NBEA: variants seen among roughly 807,000 people sequenced by gnomAD.
The protein encoded by NBEA is neurobeachin, also known as lysosomal-trafficking regulator 2.
In NBEA, 44 loss-of-function variants were observed where a neutral mutation model predicts 343.4. That is an observed-to-expected ratio of 0.13 (90% CI 0.10 to 0.16). NBEA has a LOEUF of 0.16. Among genes scored for constraint, NBEA ranks in the 10% least tolerant of loss-of-function variants. The pLI is 1.00. For missense variants in NBEA, 2,555 were observed against 3,631.3 expected (o/e 0.70, Z 7.62); for synonymous variants, 1,175 against 1,238.7 (o/e 0.95, Z 1.08).
chr13:35,193,807 CA>C (rs1301854540), intron 30 of NBEA, among the ~76,000 whole-genome samples: 2 of 151,868 alleles, frequency 1.3e-5, no homozygotes, highest in Non-Finnish European at 2.9e-5. Context: ...TTCAGTCTAT[CA>C]TCTTTGACCA....
At chr13:35,195,193 A>G (rs946477944) in intron 30 of NBEA, among the ~76,000 whole-genome samples, 1 of 152,120 alleles carries the variant, frequency 6.6e-6, no homozygotes. Flanking sequence ...TTTCTCTTCT[A>G]TGATTGGCAG....
intron 17 of NBEA, among the ~76,000 whole-genome samples, chr13:35,124,049 C>A (rs1424989604): frequency 6.6e-6 from 1 of 151,918 alleles, no homozygotes; most frequent in South Asian, 2.1e-4. Flanking sequence ...TTTCTTTCCC[C>A]AAATCAAGAA....
chr13:35,474,898 T>G, intron 41 of NBEA: 3 of 876,674 alleles, frequency 3.4e-6, no homozygotes, highest in Non-Finnish European at 5.1e-6. Context: ...TCTCCCCTTG[T>G]GGGGGTGGGT....
intron 11 of NBEA, among the ~76,000 whole-genome samples, chr13:35,103,771 CT>C (rs1024390981): frequency 3.3e-5 from 5 of 151,744 alleles, no homozygotes; most frequent in African/African-American, 1.2e-4. Flanking sequence ...TTTGACTCTA[CT>C]TTTTTTGCGC....
intron 45 of NBEA, among the ~76,000 whole-genome samples, chr13:35,583,534 T>C (rs2081152820): frequency 1.3e-5 from 2 of 152,180 alleles, no homozygotes; most frequent in South Asian, 4.1e-4. Context: ...CTTCCCTCCA[T>C]TGGGTTTCCT....
chr13:35,507,971 C>G (rs1318679941), intron 41 of NBEA, among the ~76,000 whole-genome samples: 1 of 152,164 alleles, frequency 6.6e-6, no homozygotes, highest in Admixed American at 6.5e-5. Context: ...AGATAGGTAT[C>G]ACCATCTAAA....
intron 49 of NBEA, among the ~76,000 whole-genome samples, chr13:35,641,581 A>G (rs2083950716): frequency 6.6e-6 from 1 of 152,216 alleles, no homozygotes; most frequent in Non-Finnish European, 1.5e-5. Context: ...GGAAATATGT[A>G]GTGTATAACT....
At chr13:35,128,975 A>C (rs748690318) in intron 17 of NBEA, among the ~76,000 whole-genome samples, 1 of 150,518 alleles carries the variant, frequency 6.6e-6, no homozygotes, top group African/African-American at 2.4e-5. Flanking sequence ...GAGACTTCAC[A>C]TGTGGCTATT....
chr13:35,399,038 G>A (rs1283775249), intron 38 of NBEA, among the ~76,000 whole-genome samples: 1 of 152,094 alleles, frequency 6.6e-6, no homozygotes, highest in Non-Finnish European at 1.5e-5. Context: ...ATCAGTACTT[G>A]CTGCTTTGCT....
At chr13:35,300,309 G>A (rs1161830486) in intron 35 of NBEA, among the ~76,000 whole-genome samples, 3 of 152,128 alleles carry the variant, frequency 2.0e-5, no homozygotes, top group African/African-American at 4.8e-5. Context: ...GGGTGACAAA[G>A]CGAGACTCTG....
At chr13:35,272,188 T>C (rs1247797653) in intron 34 of NBEA, among the ~76,000 whole-genome samples, 1 of 151,916 alleles carries the variant, frequency 6.6e-6, no homozygotes, top group African/African-American at 2.4e-5. Context: ...CAGAAGAGAG[T>C]GGGGCCAATA....
At chr13:35,504,415 T>C (rs2076996389) in intron 41 of NBEA, among the ~76,000 whole-genome samples, 1 of 152,160 alleles carries the variant, frequency 6.6e-6, no homozygotes, top group Non-Finnish European at 1.5e-5. Flanking sequence ...CCTACCTGTT[T>C]AGATTGAGCA....
chr13:35,321,947 C>T (rs939673069), intron 36 of NBEA, among the ~76,000 whole-genome samples: 1 of 152,172 alleles, frequency 6.6e-6, no homozygotes, highest in Admixed American at 6.5e-5. Flanking sequence ...ACCCCTCCCT[C>T]CACCAAGCTA....
Position 34,942,526 on chromosome 13 carries a change from GGCGGCAGCGGCAGCGGCAGCGGCA to G in NBEA, c.-294_-271del, listed in dbSNP as rs1387116520. The G allele has an allele frequency of 4.9e-6, 1 of 205,216 alleles. No individual in the cohort carries two copies. The highest frequency in any genetic ancestry group is 9.6e-6 in the Non-Finnish European group (1 of 104,526). The allele number at this position is 205,216 out of a possible 1,614,324, so 12.7% of individuals were successfully genotyped here. ...AGAGGGAGAGAGCAGAGGCAGCGGCGGCGGCAGCGGCAGCGGCAGCGGCACACCTGCTGGGCGGGCACAGCCGCT... is the reference window on the plus strand; with the variant it reads ...AGAGGGAGAGAGCAGAGGCAGCGGCGCACCTGCTGGGCGGGCACAGCCGCT... On this transcript the variant is annotated 5_prime_UTR_variant, in exon 1 of 59. Transcript: ENST00000379939.
intron 34 of NBEA, among the ~76,000 whole-genome samples, chr13:35,252,298 G>T (rs992680647): frequency 1.3e-5 from 2 of 152,156 alleles, no homozygotes; most frequent in Non-Finnish European, 2.9e-5. Context: ...CCCGTGAACA[G>T]CATGGGAGAA....
At chr13:35,104,307 C>T (rs2065806582) in intron 11 of NBEA, among the ~76,000 whole-genome samples, 2 of 151,890 alleles carry the variant, frequency 1.3e-5, no homozygotes, top group Admixed American at 1.3e-4. Flanking sequence ...ACCTATGCTG[C>T]TAATTTTGCA....
At chr13:35,668,601 G>C in intron 58 of NBEA, 82 bp downstream of exon 58, 2 of 1,317,768 alleles carry the variant, frequency 1.5e-6, no homozygotes, top group Non-Finnish European at 2.0e-6. Context: ...GAATTGTGCT[G>C]TGAGTGCAAT....
intron 38 of NBEA, among the ~76,000 whole-genome samples, chr13:35,426,284 G>A (rs1354489462): frequency 6.6e-6 from 1 of 152,158 alleles, no homozygotes; most frequent in Non-Finnish European, 1.5e-5. Flanking sequence ...AGTGGCTGCT[G>A]CCGGTTGTTC....
At chr13:35,150,211 C>G (rs927980695) in intron 18 of NBEA, among the ~76,000 whole-genome samples, 37 of 152,040 alleles carry the variant, frequency 2.4e-4, no homozygotes, top group Non-Finnish European at 7.4e-5. Flanking sequence ...TTTTCAAGGA[C>G]TTTGAGTTTA....
Sources: allele counts gnomAD v4.1 joint callset (sites outside exome capture counted in the v4.1 genomes callset), GRCh38; gene constraint gnomAD v4.1.1; transcripts MANE v1.5; gene names NCBI Gene and HGNC (gene_info 2026-07-23, HGNC 2026-07-21).